The following STXBP5L variants were observed in gnomAD, a reference collection of about 807,000 sequenced individuals.
The protein encoded by STXBP5L is syntaxin binding protein 5L.
STXBP5L carries 65 observed loss-of-function variants against 144.5 expected under a neutral mutation model. The observed-to-expected ratio is 0.45, with a 90% CI of 0.37 to 0.55. The LOEUF is 0.55. Ranked by LOEUF, STXBP5L falls within the 20% of genes least tolerant of loss-of-function variation. The probability of loss-of-function intolerance (pLI) is 0.00; values close to 1 mark genes in which losing one functional copy is unlikely to be tolerated. For missense variants in STXBP5L, 1,298 were observed against 1,405.5 expected (o/e 0.92, Z 1.22); for synonymous variants, 505 against 469.6 (o/e 1.08, Z -0.97).
intron 9 of STXBP5L, among the ~76,000 whole-genome samples, chr3:121,205,449 T>A (rs183322595): frequency 2.4e-4 from 36 of 152,316 alleles, no homozygotes; most frequent in Admixed American, 7.8e-4. Flanking sequence ...AGCCCCCATG[T>A]CCTAATCACC....
intron 11 of STXBP5L, among the ~76,000 whole-genome samples, chr3:121,233,139 A>G (rs2049360480): frequency 6.6e-6 from 1 of 152,162 alleles, no homozygotes; most frequent in Non-Finnish European, 1.5e-5. Flanking sequence ...ATATATTTCA[A>G]ATTACATTGA....
At chr3:121,074,967 G>T (rs569489127) in intron 5 of STXBP5L, among the ~76,000 whole-genome samples, 1 of 152,126 alleles carries the variant, frequency 6.6e-6, no homozygotes, top group Admixed American at 6.5e-5. Flanking sequence ...TGGCCCAATC[G>T]CTTGAGTTAC....
At chr3:121,005,063 C>A (rs909497233) in intron 3 of STXBP5L, among the ~76,000 whole-genome samples, 1 of 152,130 alleles carries the variant, frequency 6.6e-6, no homozygotes, top group Non-Finnish European at 1.5e-5. Context: ...ATGCTGGCTT[C>A]ATAAAATGAG....
At chr3:120,964,211 T>C (rs1394298715) in intron 3 of STXBP5L, among the ~76,000 whole-genome samples, 1 of 152,200 alleles carries the variant, frequency 6.6e-6, no homozygotes, top group African/African-American at 2.4e-5. Context: ...TGTTGATCTT[T>C]TCCAAAAAAG....
chr3:121,112,801 T>C (rs200072515), intron 5 of STXBP5L, among the ~76,000 whole-genome samples: 2 of 152,142 alleles, frequency 1.3e-5, no homozygotes, highest in African/African-American at 2.4e-5. Flanking sequence ...GTAGTGGTGG[T>C]AGAAATAAGT....
chr3:121,365,291 G>A (rs1485246090), intron 20 of STXBP5L, among the ~76,000 whole-genome samples: 4 of 151,782 alleles, frequency 2.6e-5, no homozygotes, highest in Non-Finnish European at 4.4e-5. Flanking sequence ...TGAGTTAGAA[G>A]TATTGGTCCT....
At chr3:121,080,022 A>G (rs1306603468) in intron 5 of STXBP5L, among the ~76,000 whole-genome samples, 1 of 152,268 alleles carries the variant, frequency 6.6e-6, no homozygotes, top group East Asian at 1.9e-4. Flanking sequence ...GGTGGATATA[A>G]ATTTAGAATT....
At chr3:120,964,521 C>G (rs1173804876) in intron 3 of STXBP5L, among the ~76,000 whole-genome samples, 1 of 152,122 alleles carries the variant, frequency 6.6e-6, no homozygotes, top group Non-Finnish European at 1.5e-5. Context: ...GCCTTCATTT[C>G]GTTATTTACC....
At chr3:121,136,183 G>A (rs1238565132) in intron 7 of STXBP5L, among the ~76,000 whole-genome samples, 1 of 152,120 alleles carries the variant, frequency 6.6e-6, no homozygotes, top group African/African-American at 2.4e-5. Flanking sequence ...CCAACACCAG[G>A]CAGCACAGCA....
At chr3:121,157,764 C>A (rs1388182620) in intron 9 of STXBP5L, 137 bp downstream of exon 9, 7 of 1,150,676 alleles carry the variant, frequency 6.1e-6, no homozygotes, top group Admixed American at 3.3e-5. Context: ...CCTTTTATAC[C>A]ACCTACAGAT....
At chr3:121,258,167 A>G (rs1271798744) in intron 17 of STXBP5L, among the ~76,000 whole-genome samples, 2 of 152,164 alleles carry the variant, frequency 1.3e-5, no homozygotes, top group Non-Finnish European at 2.9e-5. Flanking sequence ...CCATAGTAAT[A>G]TTTTATGATT....
At chr3:120,994,352 C>G (rs1321738421) in intron 3 of STXBP5L, among the ~76,000 whole-genome samples, 3 of 151,940 alleles carry the variant, frequency 2.0e-5, no homozygotes, top group Admixed American at 6.6e-5. Flanking sequence ...AAATGGATAT[C>G]CTTTTCTTTT....
intron 22 of STXBP5L, among the ~76,000 whole-genome samples, chr3:121,394,333 G>T (rs2108715393): frequency 6.6e-6 from 1 of 151,596 alleles, no homozygotes; most frequent in Non-Finnish European, 1.5e-5. Flanking sequence ...AGTCTTTAGG[G>T]TTTTCTAGTT....
At chr3:121,150,347 G>A (rs1369893077) in intron 7 of STXBP5L, among the ~76,000 whole-genome samples, 2 of 152,048 alleles carry the variant, frequency 1.3e-5, no homozygotes, top group African/African-American at 2.4e-5. Flanking sequence ...CTGTTTTGGT[G>A]TGGTCAAATA....
intron 3 of STXBP5L, among the ~76,000 whole-genome samples, chr3:120,990,122 A>G (rs1942691340): frequency 6.6e-6 from 1 of 152,160 alleles, no homozygotes; most frequent in African/African-American, 2.4e-5. Flanking sequence ...TCAGGATACA[A>G]AATCAATGGG....
At chr3:121,029,006 A>G (rs1946168978) in intron 3 of STXBP5L, among the ~76,000 whole-genome samples, 1 of 152,128 alleles carries the variant, frequency 6.6e-6, no homozygotes, top group Non-Finnish European at 1.5e-5. Flanking sequence ...CGAACTACAA[A>G]CTACTGCTCA....
intron 17 of STXBP5L, among the ~76,000 whole-genome samples, chr3:121,258,103 A>G (rs1440320998): frequency 6.6e-6 from 1 of 152,182 alleles, no homozygotes. Flanking sequence ...CTATTTATTA[A>G]TAAGCTAAAC....
At chr3:121,251,002 A>G (rs2050009641) in intron 15 of STXBP5L, among the ~76,000 whole-genome samples, 1 of 152,184 alleles carries the variant, frequency 6.6e-6, no homozygotes, top group South Asian at 2.1e-4. Context: ...GCAACCCATT[A>G]TATCTACAAG....
At chr3:121,301,960 G>A (rs1274642560) in intron 19 of STXBP5L, among the ~76,000 whole-genome samples, 1 of 152,132 alleles carries the variant, frequency 6.6e-6, no homozygotes, top group Non-Finnish European at 1.5e-5. Flanking sequence ...GTATTTTACT[G>A]AGGATTTTTA....
Sources: gnomAD v4.1 joint callset for allele counts (sites outside exome capture counted in the v4.1 genomes callset) on GRCh38, gnomAD v4.1.1 for gene constraint, MANE v1.5 for transcripts, NCBI Gene and HGNC (gene_info 2026-07-23, HGNC 2026-07-21) for gene names.